Variants in ZBP1 observed in about 807,000 individuals in gnomAD.
ZBP1 encodes Z-DNA-binding protein 1.
In ZBP1, 42 loss-of-function variants were observed where a neutral mutation model predicts 41.1. That is an observed-to-expected ratio of 1.02 (90% confidence interval 0.80 to 1.32). The LOEUF is 1.32. Among genes scored for constraint, ZBP1 ranks in the 40% most tolerant of loss-of-function variants. The pLI, the probability that ZBP1 is intolerant of heterozygous loss-of-function variation, is 0.00. For synonymous variants in ZBP1, 214 were observed against 205.2 expected (o/e 1.04, Z -0.37); for missense variants, 562 against 549.7 (o/e 1.02, Z -0.22).
At chr20:57,614,346 A>G (rs2070759320) in intron 4 of ZBP1, among the ~76,000 whole-genome samples, 1 of 152,080 alleles carries the variant, frequency 6.6e-6, no homozygotes, top group Non-Finnish European at 1.5e-5. Context: ...TTAGATATTC[A>G]TTATTATTGT....
In ZBP1 at chr20:57,616,228, CCGGGGTGG is replaced by C; in HGVS notation, c.259+8_259+15del. ...TCCCTGCAGGGTCAGACCCGCCTCC[CCGGGGTGG>C]CAGTTACCAGGGCTGGACAAGGCCA... On this transcript the variant is annotated splice_region_variant and intron_variant, in intron 2 of 7. Coordinates refer to ENST00000371173, the MANE Select transcript of ZBP1 (RefSeq NM_030776.3). 5 of 1,613,696 alleles carry C rather than the reference CCGGGGTGG, an allele frequency of 3.1e-6. No individual in the cohort carries two copies. Among genetic ancestry groups the C allele is most frequent in the Non-Finnish European group, 4.2e-6 (5 of 1,179,646 alleles).
At chr20:57,607,638 G>A (rs1475289308) in intron 7 of ZBP1, among the ~76,000 whole-genome samples, 1 of 152,172 alleles carries the variant, frequency 6.6e-6, no homozygotes, top group Non-Finnish European at 1.5e-5. Flanking sequence ...ATGAAAGGAA[G>A]AGTTCATTGC....
Position 57,610,399 on chromosome 20 carries a change from A to T in ZBP1, c.875-32T>A. 6.2e-7 allele frequency: 1 copy of T among 1,611,838 alleles called. No homozygotes were observed. Among genetic ancestry groups the T allele is most frequent in the Non-Finnish European group, 8.5e-7 (1 of 1,178,122 alleles). Reference sequence around the variant, plus strand: ...GTCAAAGGGAGAGAGGCCTGGAGCCAGGAGCAGCTGGACAGTGGCCGGGAA... The same window carrying T: ...GTCAAAGGGAGAGAGGCCTGGAGCCTGGAGCAGCTGGACAGTGGCCGGGAA... On this transcript the variant is annotated intron_variant, in intron 6 of 7. Coordinates refer to ENST00000371173, the MANE Select transcript of ZBP1 (RefSeq NM_030776.3). This position sits in a 1 kb window ranked among gnomAD's most constrained non-coding sequence, Gnocchi z 5.5.
In ZBP1 at chr20:57,604,267, G is replaced by A. The variant is rs1158111438; in HGVS notation, c.*306C>T. The stretch of plus-strand genomic sequence containing the variant: ...AGGTAACTCCAGGCAGATGCCCCGA[G>A]CCCAGGAAAGAGTGGAGAGAGTCCC... On this transcript the variant is annotated 3_prime_UTR_variant, in exon 8 of 8. Coordinates refer to ENST00000371173, the MANE Select transcript of ZBP1 (RefSeq NM_030776.3). 3.5e-5 allele frequency: 18 copies of A among 520,810 alleles called. No individual in the cohort carries two copies. The highest frequency in any genetic ancestry group is 6.2e-5 in the Non-Finnish European group (17 of 274,636). 32.3% of individuals were successfully genotyped at this position (520,810 alleles called of 1,614,324 possible).
chr20:57,605,973 C>G (rs2070486559), intron 7 of ZBP1, among the ~76,000 whole-genome samples: 1 of 152,122 alleles, frequency 6.6e-6, no homozygotes, highest in East Asian at 1.9e-4. Flanking sequence ...CCCCAAACGG[C>G]CTCTATGTGC....
At chr20:57,605,794 C>T (rs6025655) in intron 7 of ZBP1, among the ~76,000 whole-genome samples, 36,791 of 151,968 alleles carry the variant, frequency 0.24, 5,577 homozygotes, top group African/African-American at 0.43. Flanking sequence ...GTTAGCCAGG[C>T]GTGGTGGTGC....
chr20:57,611,190 CTG>C (rs892302852), intron 6 of ZBP1, among the ~76,000 whole-genome samples: 23 of 152,326 alleles, frequency 1.5e-4, no homozygotes, highest in African/African-American at 5.1e-4. Flanking sequence ...AATGAGGAAA[CTG>C]AGGTTTCCTG....
At chr20:57,606,186 C>A (rs1405999846) in intron 7 of ZBP1, among the ~76,000 whole-genome samples, 1 of 152,246 alleles carries the variant, frequency 6.6e-6, no homozygotes, top group Non-Finnish European at 1.5e-5. Flanking sequence ...GAAAGTGAAC[C>A]AGCCTTGTGG....
intron 1 of ZBP1, chr20:57,617,280 T>A (rs1010938327): frequency 2.0e-5 from 3 of 152,870 alleles, no homozygotes; most frequent in African/African-American, 4.8e-5. Context: ...GTGCACACTG[T>A]TCCTGCTGCC....
At chr20:57,608,881 C>T (rs150173415) in intron 7 of ZBP1, among the ~76,000 whole-genome samples, 311 of 152,346 alleles carry the variant, frequency 2.0e-3, no homozygotes, top group African/African-American at 6.7e-3. Context: ...CTCCAGATTC[C>T]GTGAATCCAT....
At position 57,604,064 on chromosome 20, in the gene ZBP1, G is replaced by A. The variant is rs1568922699; in HGVS notation, c.*509C>T. The A allele has an allele frequency of 5.1e-6, 1 of 196,414 alleles. No homozygotes were observed. Among genetic ancestry groups the A allele is most frequent in the East Asian group, 1.8e-4 (1 of 5,640 alleles). 12.2% of individuals were successfully genotyped at this position (196,414 alleles called of 1,614,324 possible). ...TTGTATTTTTTTTTTTAGTAGAGAC[G>A]GGGTTTCACCATGTTAGCCAGGACG... On this transcript the variant is annotated 3_prime_UTR_variant, in exon 8 of 8. Transcript: ENST00000371173.
At position 57,611,843 on chromosome 20, in the gene ZBP1, T is replaced by C. The variant is rs771001222; in HGVS notation, c.758A>G (p.Asp253Gly). The C allele has an allele frequency of 6.2e-7, 1 of 1,601,526 alleles. No homozygotes were observed. The highest frequency in any genetic ancestry group is 1.1e-5 in the South Asian group (1 of 88,326). Reference sequence around the variant, plus strand: ...CAGTATGGACTGCTCCATGTGGATGTCCTGGGGCCCCCAGGGATCAACTAG... The same window carrying C: ...CAGTATGGACTGCTCCATGTGGATGCCCTGGGGCCCCCAGGGATCAACTAG... The part of the protein sequence containing the change: ...GTLVDPWGPQ[D>G]IHMEQSILRR... Residue 253 changes from aspartate to glycine, a missense_variant, in exon 6 of 8, where the codon GAC becomes GGC. Physicochemically the swap from Asp to Gly is moderately conservative, Grantham distance 94 (BLOSUM62 -1). Transcript: ENST00000371173.
intron 7 of ZBP1, among the ~76,000 whole-genome samples, chr20:57,609,749 C>A (rs1042862897): frequency 6.6e-6 from 1 of 152,124 alleles, no homozygotes; most frequent in Non-Finnish European, 1.5e-5. Flanking sequence ...CAACCCAGCA[C>A]CTCTCTCGGG....
chr20:57,616,617 C>T, intron 1 of ZBP1, 149 bp from the exon 2 acceptor site: 1 of 729,912 alleles, frequency 1.4e-6, no homozygotes, highest in South Asian at 1.8e-5. Context: ...GCAGATGCCC[C>T]CTAAGAGCAG....
chr20:57,614,392 A>C lies in ZBP1; in HGVS notation c.502+495T>G, dbSNP rs545167373. 7.0e-4 allele frequency among the ~76,000 whole-genome samples: 106 copies of C among 152,270 alleles called. 1 individual carries two copies. The highest frequency in any genetic ancestry group is 2.3e-3 in the African/African-American group (97 of 41,542). On this transcript the variant is annotated intron_variant, in intron 4 of 7. Coordinates refer to ENST00000371173, the MANE Select transcript of ZBP1 (RefSeq NM_030776.3). ...TCCTCTGATTTTAAATGAAATTAAAATTAAAACATTTTCAAGGACCCCTGA... is the reference window on the plus strand; with the variant it reads ...TCCTCTGATTTTAAATGAAATTAAACTTAAAACATTTTCAAGGACCCCTGA...
At chr20:57,609,331 G>A (rs1308377414) in intron 7 of ZBP1, among the ~76,000 whole-genome samples, 1 of 152,168 alleles carries the variant, frequency 6.6e-6, no homozygotes, top group African/African-American at 2.4e-5. Context: ...CGGTGGCTGG[G>A]ACGGTGAACC....
chr20:57,606,340 G>T (rs2070496840), intron 7 of ZBP1, among the ~76,000 whole-genome samples: 4 of 152,234 alleles, frequency 2.6e-5, no homozygotes, highest in Admixed American at 1.3e-4. Context: ...CAGAAGAATA[G>T]TTGGAAGTGA....
At chr20:57,611,072 C>T (rs2070654189) in intron 6 of ZBP1, among the ~76,000 whole-genome samples, 1 of 152,212 alleles carries the variant, frequency 6.6e-6, no homozygotes, top group African/African-American at 2.4e-5. Context: ...ACTGCAGCCA[C>T]AGCTCCTAGT....
Position 57,613,081 on chromosome 20 carries a change from C to T in ZBP1, c.670+82G>A. On this transcript the variant is annotated intron_variant, in intron 5 of 7. Transcript: ENST00000371173. The surrounding 1 kb of genome is among the most constrained non-coding windows in gnomAD (Gnocchi z 4.5). ...TGGAGGGCAGAATCCCCCCACTCCC[C>T]ATCCCTACCCTTTGCCCCCACCCAG... The T allele has an allele frequency of 6.3e-7, 1 of 1,579,588 alleles. No individual in the cohort carries two copies. Among genetic ancestry groups the T allele is most frequent in the Non-Finnish European group, 8.6e-7 (1 of 1,161,666 alleles).
Sources: gnomAD v4.1 joint callset for allele counts (sites outside exome capture counted in the v4.1 genomes callset) on GRCh38, gnomAD v4.1.1 for gene constraint, Gnocchi (gnomAD v3.1) non-coding constraint, MANE v1.5 for transcripts, NCBI Gene and HGNC (gene_info 2026-07-23, HGNC 2026-07-21) for gene names.